Variants in ARHGAP10 observed in about 807,000 individuals in gnomAD.
ARHGAP10 encodes the protein Rho GTPase activating protein 10.
ARHGAP10 carries 87 observed loss-of-function variants against 108.6 expected under a neutral mutation model. The observed-to-expected ratio is 0.80, with a 90% CI of 0.67 to 0.96. The LOEUF (loss-of-function observed/expected upper bound fraction) is 0.96. Ranked by LOEUF, ARHGAP10 falls within the 40% of genes least tolerant of loss-of-function variation. ARHGAP10 has a pLI of 0.00. For synonymous variants in ARHGAP10, 347 were observed against 341.1 expected, an observed-to-expected ratio of 1.02 and a Z score of -0.19; for missense variants, 939 against 954.5, an observed-to-expected ratio of 0.98 and a Z score of 0.21.
At chr4:148,058,556 A>G (rs28575863) in intron 20 of ARHGAP10, among the ~76,000 whole-genome samples, 6,863 of 152,208 alleles carry the variant, frequency 0.045, 509 homozygotes, top group African/African-American at 0.15. Context: ...GATTGGTGCA[A>G]CTGGTGTCGA....
chr4:147,842,787 C>T (rs994055745), intron 3 of ARHGAP10, among the ~76,000 whole-genome samples: 54 of 152,160 alleles, frequency 3.5e-4, no homozygotes, highest in African/African-American at 1.3e-3. Flanking sequence ...ACTGTGCTGA[C>T]GTGTTCACAT....
Position 147,740,995 on chromosome 4 carries a change from C to A in ARHGAP10, c.154+8540C>A, listed in dbSNP as rs186012287. ...TATAATGTGTTTGCATGTGTTTAAA[C>A]TTTATATAATGGTTTCATCCTATAC... On this transcript the variant is annotated intron_variant, in intron 1 of 22. Coordinates refer to ENST00000336498, the MANE Select transcript of ARHGAP10 (RefSeq NM_024605.4). 3.3e-3 allele frequency among the ~76,000 whole-genome samples: 508 copies of A among 152,244 alleles called. 5 individuals are homozygous for A. Among genetic ancestry groups the A allele is most frequent in the African/African-American group, 0.012 (478 of 41,552 alleles).
In ARHGAP10 at chr4:147,823,161, G is replaced by A. The variant is rs145239556; in HGVS notation, c.312+204G>A. Among the ~76,000 whole-genome samples, 833 of 152,290 alleles carry A rather than the reference G, an allele frequency of 5.5e-3. 2 individuals are homozygous for A. Among genetic ancestry groups the A allele is most frequent in the Non-Finnish European group, 8.8e-3 (599 of 68,022 alleles). The stretch of plus-strand genomic sequence containing the variant: ...GGTCAGAACTTGGAGAAGCTGCTGG[G>A]CCTCTCGACCAAGGCCTTACTTCTT... On this transcript the variant is annotated intron_variant, in intron 3 of 22. Transcript: ENST00000336498.
At chr4:147,854,922 C>T (rs1734027185) in intron 4 of ARHGAP10, 2 of 946,816 alleles carry the variant, frequency 2.1e-6, no homozygotes, top group Non-Finnish European at 2.5e-6. Flanking sequence ...TTCTTTCATT[C>T]CCAACTTTAC....
chr4:148,012,498 G>A (rs1179175009), intron 18 of ARHGAP10, among the ~76,000 whole-genome samples: 1 of 152,202 alleles, frequency 6.6e-6, no homozygotes, highest in Non-Finnish European at 1.5e-5. Flanking sequence ...TAAGTTGACA[G>A]GAGTGAGAGG....
intron 1 of ARHGAP10, among the ~76,000 whole-genome samples, chr4:147,774,937 G>A (rs571913967): frequency 8.9e-5 from 13 of 146,526 alleles, no homozygotes; most frequent in African/African-American, 2.3e-4. Flanking sequence ...ACGGAGTTTC[G>A]CCCTTTTGTC....
chr4:148,003,442 G>A (rs4293769), intron 18 of ARHGAP10, among the ~76,000 whole-genome samples: 113,700 of 152,060 alleles, frequency 0.75, 42,859 homozygotes, highest in East Asian at 0.85. Flanking sequence ...CACTTGGTGC[G>A]GAGCTGAGTT....
intron 18 of ARHGAP10, among the ~76,000 whole-genome samples, chr4:147,967,733 A>G (rs978775568): frequency 6.6e-5 from 10 of 152,194 alleles, no homozygotes; most frequent in African/African-American, 1.9e-4. Context: ...CCCGCAAGGC[A>G]TAACTATGTA....
rs373411696 is a variant in ARHGAP10 at position 147,913,218 on chromosome 4, T to C, written c.1228+79T>C. 5.4e-6 allele frequency: 7 copies of C among 1,304,306 alleles called. No homozygotes were observed. The African/African-American group carries it at 8.7e-5, about 16-fold the overall frequency. The allele number at this position is 1,304,306 out of a possible 1,614,324, so 80.8% of individuals were successfully genotyped here. On this transcript the variant is annotated intron_variant, in intron 13 of 22. Coordinates refer to ENST00000336498, the MANE Select transcript of ARHGAP10 (RefSeq NM_024605.4). ...AAAGTCATTAAAAATACTTCTTGCT[T>C]TTAAGTGTTACAGAATGAAACGTGT...
chr4:147,767,140 C>T (rs964374038), intron 1 of ARHGAP10, among the ~76,000 whole-genome samples: 4 of 152,080 alleles, frequency 2.6e-5, no homozygotes, highest in East Asian at 1.9e-4. Context: ...TGTGAGCCAC[C>T]GCGCCCAGTC....
chr4:147,860,298 T>C (rs1266454125), intron 5 of ARHGAP10, among the ~76,000 whole-genome samples: 2 of 152,004 alleles, frequency 1.3e-5, no homozygotes, highest in African/African-American at 2.4e-5. Context: ...AAAAATTAGC[T>C]GGGTGTGGTG....
At chr4:147,974,370 C>G (rs1025228200) in intron 18 of ARHGAP10, among the ~76,000 whole-genome samples, 3 of 152,136 alleles carry the variant, frequency 2.0e-5, no homozygotes, top group East Asian at 1.9e-4. Flanking sequence ...ACTCCCTCCT[C>G]ATCTCCCCCC....
intron 1 of ARHGAP10, among the ~76,000 whole-genome samples, chr4:147,759,570 G>A (rs1208681904): frequency 8.3e-6 from 1 of 120,182 alleles, no homozygotes; most frequent in South Asian, 3.4e-4. Flanking sequence ...GGGTAGCATA[G>A]TGATACACCG....
chr4:148,063,166 G>T lies in ARHGAP10; in HGVS notation c.2046G>T (p.Ser682=). The change falls in exon 21 of 23, where the codon TCG becomes TCT. Residue 682 remains serine (S), a synonymous_variant. Transcript: ENST00000336498. ...WASTIPGQTR[S]SMVQWLNPQS... is the part of the protein sequence containing the mutation. ...CCCTTAGCCCAGGCCAGACCCGATC[G>T]TCTATGGTCCAGTGGCTTAACCCAC... The T allele has an allele frequency of 3.1e-6, 5 of 1,614,140 alleles. No homozygotes were observed. The highest frequency in any genetic ancestry group is 4.2e-6 in the Non-Finnish European group (5 of 1,180,024).
intron 1 of ARHGAP10, among the ~76,000 whole-genome samples, chr4:147,822,165 C>T (rs1386525260): frequency 6.6e-6 from 1 of 152,172 alleles, no homozygotes; most frequent in Non-Finnish European, 1.5e-5. Flanking sequence ...TTCTTCCTAC[C>T]ATTTCTTCTT....
At chr4:148,017,416 A>G (rs1741387965) in intron 18 of ARHGAP10, among the ~76,000 whole-genome samples, 1 of 152,152 alleles carries the variant, frequency 6.6e-6, no homozygotes, top group Admixed American at 6.5e-5. Flanking sequence ...AAGTAAAACT[A>G]TGTTTACCAG....
At chr4:147,872,506 C>G (rs1432023152) in intron 7 of ARHGAP10, among the ~76,000 whole-genome samples, 2 of 152,124 alleles carry the variant, frequency 1.3e-5, no homozygotes, top group Non-Finnish European at 2.9e-5. Context: ...ACAGTTGACC[C>G]TTGAACTATG....
At chr4:147,761,133 C>A (rs192790815) in intron 1 of ARHGAP10, among the ~76,000 whole-genome samples, 350 of 151,838 alleles carry the variant, frequency 2.3e-3, no homozygotes, top group Non-Finnish European at 3.8e-3. Context: ...CCTCCTGCCT[C>A]AGCCTCCCGA....
In ARHGAP10 at chr4:147,875,097, A is replaced by G. The variant is rs772598386; in HGVS notation, c.779A>G (p.His260Arg). The G allele has an allele frequency of 1.9e-5, 30 of 1,608,688 alleles. No homozygotes were observed. Among genetic ancestry groups the G allele is most frequent in the Non-Finnish European group, 2.2e-5 (26 of 1,178,710 alleles). ...AAAATCAGACAGAATCCCAAGGACC[A>G]CAAACGAGCAAGTCAGTTTACAGCC... ...MNKIRQNPKD[H>R]KRASQFTAEG... Residue 260 changes from histidine to arginine, a missense_variant, in exon 8 of 23, where the codon CAC becomes CGC. His to Arg is a conservative substitution (Grantham distance 29, BLOSUM62 0). Transcript: ENST00000336498.
Sources: allele counts gnomAD v4.1 joint callset (sites outside exome capture counted in the v4.1 genomes callset), GRCh38; gene constraint gnomAD v4.1.1; transcripts MANE v1.5; gene names NCBI Gene and HGNC (gene_info 2026-07-23, HGNC 2026-07-21).